AHCYL2: variants seen among roughly 807,000 people sequenced by gnomAD.
AHCYL2 encodes the protein S-adenosylhomocysteine hydrolase-like protein 2.
AHCYL2 carries 28 observed loss-of-function variants against 81.4 expected under a neutral mutation model. That is an observed-to-expected ratio of 0.34 (90% CI 0.25 to 0.47). The LOEUF (loss-of-function observed/expected upper bound fraction) is 0.47, where lower values mean the gene tolerates loss of function less well. Among genes scored for constraint, AHCYL2 ranks in the 20% least tolerant of loss-of-function variants. The probability of loss-of-function intolerance (pLI) is 1.00; values close to 1 mark genes in which losing one functional copy is unlikely to be tolerated. For missense variants in AHCYL2, 551 were observed against 785.1 expected (o/e 0.70, Z 3.56); for synonymous variants, 272 against 290.2 (o/e 0.94, Z 0.64).
At position 129,253,348 on chromosome 7, in the gene AHCYL2, G is replaced by A. The variant is rs549959374; in HGVS notation, c.363+27909G>A. ...AAGACGTAGCATGTAGCAGAGTATC[G>A]AAGAATACTCTTTTTAGAGCACTTA... On this transcript the variant is annotated intron_variant, in intron 1 of 16. Coordinates refer to ENST00000325006, the MANE Select transcript of AHCYL2 (RefSeq NM_015328.4). Among the ~76,000 whole-genome samples the A allele has an allele frequency of 7.9e-5, 12 of 152,288 alleles. No individual in the cohort carries two copies. In the East Asian group the frequency reaches 1.5e-3, roughly 20 times the overall value.
At chr7:129,355,546 C>T (rs1793708667) in intron 1 of AHCYL2, among the ~76,000 whole-genome samples, 1 of 152,130 alleles carries the variant, frequency 6.6e-6, no homozygotes, top group Non-Finnish European at 1.5e-5. Context: ...GTGTTCATGG[C>T]AACTTTATAG....
intron 1 of AHCYL2, among the ~76,000 whole-genome samples, chr7:129,279,703 A>G (rs1411151703): frequency 2.0e-5 from 3 of 152,216 alleles, no homozygotes; most frequent in African/African-American, 4.8e-5. Flanking sequence ...TATATGTTCA[A>G]CAAGGGGTGG....
chr7:129,264,980 A>G (rs1256461869), intron 1 of AHCYL2, among the ~76,000 whole-genome samples: 1 of 152,184 alleles, frequency 6.6e-6, no homozygotes, highest in Non-Finnish European at 1.5e-5. Context: ...TTTTTACAGA[A>G]TTTATGGTAT....
At chr7:129,411,154 G>A (rs1554496048) in intron 11 of AHCYL2, among the ~76,000 whole-genome samples, 8 of 151,196 alleles carry the variant, frequency 5.3e-5, no homozygotes, top group Non-Finnish European at 1.2e-4. Flanking sequence ...CTGTTTTTTA[G>A]TAATTCACAG....
chr7:129,372,797 A>G (rs1794472943), intron 1 of AHCYL2, among the ~76,000 whole-genome samples: 3 of 152,238 alleles, frequency 2.0e-5, no homozygotes, highest in East Asian at 1.9e-4. Flanking sequence ...CCTGGGAGAC[A>G]AGAGCAAAAC....
At chr7:129,247,060 T>G (rs1795088242) in intron 1 of AHCYL2, among the ~76,000 whole-genome samples, 1 of 152,244 alleles carries the variant, frequency 6.6e-6, no homozygotes. Context: ...ACATATATTT[T>G]CATTTCTCTT....
At chr7:129,305,439 G>A (rs1797405374) in intron 1 of AHCYL2, among the ~76,000 whole-genome samples, 1 of 152,052 alleles carries the variant, frequency 6.6e-6, no homozygotes, top group African/African-American at 2.4e-5. Flanking sequence ...CAGTCTGGGT[G>A]ACAGAGCAAT....
intron 1 of AHCYL2, among the ~76,000 whole-genome samples, chr7:129,245,909 G>A (rs1206919479): frequency 2.0e-5 from 3 of 152,138 alleles, no homozygotes; most frequent in East Asian, 1.9e-4. Context: ...TATTTCTGAC[G>A]TTTTGCAAAA....
chr7:129,363,640 A>C (rs1435030730), intron 1 of AHCYL2, among the ~76,000 whole-genome samples: 1 of 152,076 alleles, frequency 6.6e-6, no homozygotes, highest in Non-Finnish European at 1.5e-5. Flanking sequence ...AGGTTCAAGC[A>C]GTTCTCCCTG....
intron 1 of AHCYL2, among the ~76,000 whole-genome samples, chr7:129,357,933 C>CAAA (rs1231126390): frequency 2.4e-5 from 2 of 83,382 alleles, no homozygotes; most frequent in African/African-American, 4.6e-5. Flanking sequence ...GACTCCATCT[C>CAAA]AAAAAAAAAA....
intron 1 of AHCYL2, among the ~76,000 whole-genome samples, chr7:129,242,488 G>C (rs1415329051): frequency 1.3e-5 from 2 of 152,060 alleles, no homozygotes; most frequent in Non-Finnish European, 2.9e-5. Context: ...GAGGCCAAGG[G>C]GGGCGGATCA....
chr7:129,281,623 A>G (rs1032576627), intron 1 of AHCYL2, among the ~76,000 whole-genome samples: 14 of 151,082 alleles, frequency 9.3e-5, no homozygotes, highest in African/African-American at 3.4e-4. Flanking sequence ...CAGCCTCTCA[A>G]GTAGCTGGGA....
intron 1 of AHCYL2, among the ~76,000 whole-genome samples, chr7:129,259,351 TTAAA>T (rs1278226628): frequency 6.6e-6 from 1 of 152,192 alleles, no homozygotes; most frequent in Non-Finnish European, 1.5e-5. Context: ...CTTTAAAATT[TTAAA>T]TTATTTTAAA....
intron 1 of AHCYL2, among the ~76,000 whole-genome samples, chr7:129,302,101 T>C (rs1797276916): frequency 6.6e-6 from 1 of 152,184 alleles, no homozygotes; most frequent in African/African-American, 2.4e-5. Context: ...ATTTCACTTA[T>C]TTGGTTAATT....
chr7:129,290,629 G>A (rs1796812041), intron 1 of AHCYL2, among the ~76,000 whole-genome samples: 1 of 151,116 alleles, frequency 6.6e-6, no homozygotes, highest in Admixed American at 6.6e-5. Flanking sequence ...AGAAAAACAT[G>A]TTTTTTAAAA....
intron 1 of AHCYL2, among the ~76,000 whole-genome samples, chr7:129,345,116 C>G (rs6948252): frequency 0.27 from 40,777 of 152,042 alleles, 5,531 homozygotes; most frequent in South Asian, 0.37. Context: ...GATCATGCCA[C>G]TGCACTCCAG....
At chr7:129,358,988 C>T (rs773249449) in intron 1 of AHCYL2, among the ~76,000 whole-genome samples, 12 of 152,124 alleles carry the variant, frequency 7.9e-5, no homozygotes, top group Non-Finnish European at 1.6e-4. Context: ...CATAACCTAG[C>T]AGTTCCCCTC....
At chr7:129,350,038 G>T (rs1311510330) in intron 1 of AHCYL2, among the ~76,000 whole-genome samples, 1 of 152,134 alleles carries the variant, frequency 6.6e-6, no homozygotes, top group Non-Finnish European at 1.5e-5. Context: ...AGAAACATTT[G>T]TCCCAAATTT....
Position 129,405,845 on chromosome 7 carries a change from G to T in AHCYL2, c.1152G>T (p.Arg384Ser), listed in dbSNP as rs1414329426. ...CRESILDGLKRTTDMMFGGKQ... is the reference protein window; with the variant it reads ...CRESILDGLKSTTDMMFGGKQ... ...TTTTTTTTTCCCCTAGACTTAAAAG[G>T]ACAACAGACATGATGTTTGGTGGAA... Residue 384 changes from arginine (R) to serine (S), a missense_variant, in exon 9 of 17, where the codon AGG becomes AGT. Physicochemically the swap from Arg to Ser is moderately radical, Grantham distance 110. Transcript: ENST00000325006. 1 of 1,612,688 alleles carries T rather than the reference G, an allele frequency of 6.2e-7. No homozygotes were observed. Among genetic ancestry groups the T allele is most frequent in the Non-Finnish European group, 8.5e-7 (1 of 1,179,354 alleles).
Sources: gnomAD v4.1 joint callset for allele counts (sites outside exome capture counted in the v4.1 genomes callset) on GRCh38, gnomAD v4.1.1 for gene constraint, MANE v1.5 for transcripts, NCBI Gene and HGNC (gene_info 2026-07-23, HGNC 2026-07-21) for gene names.